The following ADCY5 variants were observed in gnomAD, a reference collection of about 807,000 sequenced individuals.
ADCY5 encodes the protein adenylate cyclase 5, also known as adenylate cyclase type 5.
Under a neutral mutation model 119.7 loss-of-function variants are expected in ADCY5, and 30 were observed. The observed-to-expected ratio is 0.25, with a 90% CI of 0.19 to 0.34. The LOEUF (loss-of-function observed/expected upper bound fraction) is 0.34. Ranked by LOEUF, ADCY5 falls within the 10% of genes least tolerant of loss-of-function variation. ADCY5 has a pLI of 1.00. For synonymous variants in ADCY5, 753 were observed against 762.2 expected (o/e 0.99, Z 0.20); for missense variants, 1,324 against 1,775.2 (o/e 0.75, Z 4.57).
At chr3:123,290,302 G>GCA (rs1248841906) in intron 18 of ADCY5, among the ~76,000 whole-genome samples, 1 of 152,080 alleles carries the variant, frequency 6.6e-6, no homozygotes, top group Non-Finnish European at 1.5e-5. Context: ...TGTCCAGCAG[G>GCA]CAAATTCTTT....
intron 1 of ADCY5, among the ~76,000 whole-genome samples, chr3:123,435,890 A>G (rs1301308902): frequency 6.9e-6 from 1 of 144,904 alleles, no homozygotes; most frequent in Non-Finnish European, 1.5e-5. Flanking sequence ...TATTATTATT[A>G]TTATTATTAT....
At chr3:123,308,111 G>C (rs1221722774) in intron 12 of ADCY5, among the ~76,000 whole-genome samples, 1 of 135,498 alleles carries the variant, frequency 7.4e-6, no homozygotes, top group Non-Finnish European at 1.5e-5. Context: ...TCGGCTCACT[G>C]CAAGCTCCGC....
intron 17 of ADCY5, among the ~76,000 whole-genome samples, chr3:123,293,799 TACACACGTTTCC>T (rs1939321298): frequency 6.6e-6 from 1 of 152,158 alleles, no homozygotes; most frequent in South Asian, 2.1e-4. Context: ...GATACATGTA[TACACACGTTTCC>T]ACGTACGTTT....
At chr3:123,417,785 G>C (rs1945218734) in intron 1 of ADCY5, among the ~76,000 whole-genome samples, 1 of 152,128 alleles carries the variant, frequency 6.6e-6, no homozygotes, top group Non-Finnish European at 1.5e-5. Context: ...AAAATGAAAG[G>C]GCTGGAGATG....
chr3:123,320,157 C>T (rs1183126847), intron 9 of ADCY5, among the ~76,000 whole-genome samples: 1 of 152,242 alleles, frequency 6.6e-6, no homozygotes, highest in Non-Finnish European at 1.5e-5. Context: ...ACAGGCTCTG[C>T]TCTTTACCCT....
At chr3:123,433,697 C>T (rs1247329998) in intron 1 of ADCY5, among the ~76,000 whole-genome samples, 2 of 152,054 alleles carry the variant, frequency 1.3e-5, no homozygotes, top group South Asian at 4.2e-4. Flanking sequence ...ACAGAGAGAC[C>T]CCGGGTCAGA....
chr3:123,331,097 C>T, intron 4 of ADCY5, 81 bp from the exon 5 acceptor site: 7 of 1,458,108 alleles, frequency 4.8e-6, no homozygotes, highest in Non-Finnish European at 6.5e-6. Flanking sequence ...CAAAAAGATT[C>T]ACCCCGTGCC....
At chr3:123,316,949 T>C (rs1940940647) in intron 11 of ADCY5, among the ~76,000 whole-genome samples, 1 of 151,906 alleles carries the variant, frequency 6.6e-6, no homozygotes, top group Admixed American at 6.6e-5. Flanking sequence ...GGATGGGTAC[T>C]GATTAGATTA....
Position 123,302,966 on chromosome 3 carries a change from CCT to C in ADCY5, c.2724+87_2724+88del. 5 of 1,487,984 alleles carry C rather than the reference CCT, an allele frequency of 3.4e-6. No individual in the cohort carries two copies. In the South Asian group the frequency reaches 3.8e-5, roughly 11 times the overall value. The allele number at this position is 1,487,984 out of a possible 1,614,324, so 92.2% of individuals were successfully genotyped here. A position where few individuals can be genotyped will look rare whatever the true frequency, so the allele number is the denominator to read the frequency against. ...AGACAGTGAGCTGGTGAGACCCTGT[CCT>C]TCAGACTGTCCTGAGCAGCTGCAGT... On this transcript the variant is annotated intron_variant, in intron 14 of 20. Coordinates refer to ENST00000462833, the MANE Select transcript of ADCY5 (RefSeq NM_183357.3).
intron 3 of ADCY5, among the ~76,000 whole-genome samples, chr3:123,346,967 G>A (rs112985805): frequency 3.4e-4 from 52 of 152,340 alleles, no homozygotes; most frequent in African/African-American, 1.2e-3. Context: ...CGTCCCTGCT[G>A]TCAGCAGCTT....
chr3:123,351,209 T>C (rs1395571214), intron 2 of ADCY5, among the ~76,000 whole-genome samples: 17 of 151,976 alleles, frequency 1.1e-4, no homozygotes, highest in Admixed American at 9.8e-4. Flanking sequence ...GGAGAGGTAC[T>C]ACAGAGCTTT....
At chr3:123,287,878 C>T (rs1012205354) in intron 19 of ADCY5, among the ~76,000 whole-genome samples, 4 of 152,196 alleles carry the variant, frequency 2.6e-5, no homozygotes, top group Non-Finnish European at 4.4e-5. Context: ...TACCTCTTGG[C>T]AGATTCTACA....
chr3:123,372,825 G>A (rs956968092), intron 1 of ADCY5, among the ~76,000 whole-genome samples: 1 of 152,150 alleles, frequency 6.6e-6, no homozygotes, highest in Non-Finnish European at 1.5e-5. Context: ...TGACCACTCC[G>A]TTAAAAAATC....
At chr3:123,304,274 A>C in intron 12 of ADCY5, 91 bp from the exon 13 acceptor site, 1 of 836,760 alleles carries the variant, frequency 1.2e-6, no homozygotes, top group Non-Finnish European at 2.0e-6. Context: ...AGTGCAGTGG[A>C]CCCACCTGTG....
At chr3:123,294,349 T>C (rs1302508603) in intron 17 of ADCY5, among the ~76,000 whole-genome samples, 2 of 152,012 alleles carry the variant, frequency 1.3e-5, no homozygotes. Context: ...AGAAAATTAG[T>C]GGAATATCAG....
intron 1 of ADCY5, among the ~76,000 whole-genome samples, chr3:123,355,184 C>A (rs1942993359): frequency 2.6e-5 from 4 of 152,170 alleles, no homozygotes; most frequent in Admixed American, 2.6e-4. Context: ...TTGCAGATGA[C>A]ATGATTGTCT....
At chr3:123,406,063 T>C (rs926874830) in intron 1 of ADCY5, among the ~76,000 whole-genome samples, 4 of 152,250 alleles carry the variant, frequency 2.6e-5, no homozygotes, top group African/African-American at 7.2e-5. Context: ...GCACCTTTCA[T>C]ATGCAAACCA....
chr3:123,356,602 T>C (rs1249052832), intron 1 of ADCY5, among the ~76,000 whole-genome samples: 1 of 152,226 alleles, frequency 6.6e-6, no homozygotes, highest in Non-Finnish European at 1.5e-5. Context: ...GAACCTATCA[T>C]ACAAATTTTT....
In ADCY5 at chr3:123,345,769, G is replaced by GACAGACACACACACACAC. The variant is rs57198270; in HGVS notation, c.1406+2012_1406+2013insGTGTGTGTGTGTGTCTGT. 5.2e-3 allele frequency among the ~76,000 whole-genome samples: 591 copies of GACAGACACACACACACAC among 113,806 alleles called. 20 individuals are homozygous for GACAGACACACACACACAC. In the East Asian group the frequency reaches 0.071, roughly 14 times the overall value. 74.7% of individuals were successfully genotyped at this position (113,806 alleles called of 152,430 possible). A position where few individuals can be genotyped will look rare whatever the true frequency, so the allele number is the denominator to read the frequency against. The stretch of plus-strand genomic sequence containing the variant: ...AGACAGACAGACAGACAGACAGACA[G>GACAGACACACACACACAC]ACACACACACACACACACACACACA... On this transcript the variant is annotated intron_variant, in intron 3 of 20. Coordinates refer to ENST00000462833, the MANE Select transcript of ADCY5 (RefSeq NM_183357.3).
Sources: allele counts gnomAD v4.1 joint callset (sites outside exome capture counted in the v4.1 genomes callset), GRCh38; gene constraint gnomAD v4.1.1; transcripts MANE v1.5; gene names NCBI Gene and HGNC (gene_info 2026-07-23, HGNC 2026-07-21).